UGGT2: variants seen among roughly 807,000 people sequenced by gnomAD.
UGGT2 encodes the protein UDP-glucose:glycoprotein glucosyltransferase 2.
In UGGT2, 180 loss-of-function variants were observed where a neutral mutation model predicts 192.1. That is an observed-to-expected ratio of 0.94 (90% CI 0.83 to 1.06). The LOEUF (loss-of-function observed/expected upper bound fraction) is 1.06. Among genes scored for constraint, UGGT2 ranks in the 50% least tolerant of loss-of-function variants. The pLI is 0.00. For synonymous variants in UGGT2, 580 were observed against 591.0 expected (o/e 0.98, Z 0.27); for missense variants, 1,849 against 1,795.7 (o/e 1.03, Z -0.54).
At chr13:96,039,838 T>C (rs945370879) in intron 1 of UGGT2, among the ~76,000 whole-genome samples, 1 of 152,210 alleles carries the variant, frequency 6.6e-6, no homozygotes, top group African/African-American at 2.4e-5. Flanking sequence ...TTCTTCTAGA[T>C]TCCAATATAA....
chr13:95,890,575 G>T (rs908602727), intron 25 of UGGT2, among the ~76,000 whole-genome samples: 1 of 152,188 alleles, frequency 6.6e-6, no homozygotes, highest in Non-Finnish European at 1.5e-5. Flanking sequence ...TCTCCAGAGA[G>T]AGTCACATTG....
At chr13:95,877,212 C>G in intron 29 of UGGT2, 67 bp downstream of exon 29, 1 of 1,263,396 alleles carries the variant, frequency 7.9e-7, no homozygotes, top group East Asian at 2.5e-5. Context: ...TGTTTTGATT[C>G]TCTTGGTTGT....
chr13:95,996,293 C>G (rs941844480), intron 6 of UGGT2, among the ~76,000 whole-genome samples, 158 bp from the exon 7 acceptor site: 1 of 151,888 alleles, frequency 6.6e-6, no homozygotes, highest in Non-Finnish European at 1.5e-5. Flanking sequence ...CTTGAGCTCA[C>G]GAGTTCAAGA....
At chr13:95,975,832 C>T (rs2050920270) in intron 10 of UGGT2, among the ~76,000 whole-genome samples, 1 of 152,012 alleles carries the variant, frequency 6.6e-6, no homozygotes, top group South Asian at 2.1e-4. Flanking sequence ...TTTTAATTTT[C>T]ACGGGTACAT....
At chr13:95,946,966 T>C (rs943170391) in intron 15 of UGGT2, 71 bp downstream of exon 15, 3 of 1,391,698 alleles carry the variant, frequency 2.2e-6, no homozygotes, top group Non-Finnish European at 2.9e-6. Flanking sequence ...TTATACATTC[T>C]AAAGAAATCA....
chr13:95,909,315 C>T (rs187201581), intron 20 of UGGT2, among the ~76,000 whole-genome samples: 13,670 of 151,698 alleles, frequency 0.09, 862 homozygotes, highest in Non-Finnish European at 0.12. Flanking sequence ...ATGTTTATTG[C>T]GGCATTATTC....
intron 12 of UGGT2, 129 bp from the exon 13 acceptor site, chr13:95,949,583 A>G (rs1353169754): frequency 1.1e-6 from 1 of 924,886 alleles, no homozygotes; most frequent in African/African-American, 1.7e-5. Context: ...TAAATAGAGG[A>G]GCTAGTTTAA....
chr13:95,834,668 G>A (rs953469458), intron 37 of UGGT2, among the ~76,000 whole-genome samples: 2 of 152,042 alleles, frequency 1.3e-5, no homozygotes, highest in African/African-American at 2.4e-5. Flanking sequence ...TGAGGGAGAC[G>A]GGCTGAACAC....
In UGGT2 at chr13:95,854,273, C is replaced by T. The variant is rs770310902; in HGVS notation, c.4169+42G>A. The T allele has an allele frequency of 5.1e-6, 8 of 1,565,534 alleles. No individual in the cohort carries two copies. The East Asian group carries it at 1.4e-4, about 26-fold the overall frequency. On this transcript the variant is annotated intron_variant, in intron 35 of 38. Coordinates refer to ENST00000376747, the MANE Select transcript of UGGT2 (RefSeq NM_020121.4). ...GAAAACTGAAAGTTGCAATTCAATA[C>T]ATTACTTATTTACTAAATGGTAAGG...
rs531209662 is a variant in UGGT2 at position 95,866,978 on chromosome 13, A to G, written c.3558+361T>C. Among the ~76,000 whole-genome samples, 16 of 152,140 alleles carry G rather than the reference A, an allele frequency of 1.1e-4. No homozygotes were observed. In the South Asian group the frequency reaches 3.3e-3, roughly 32 times the overall value. Reference sequence around the variant, plus strand: ...TCCAAAAAGAATCTGCTATCATTAAAAACTCCCTTTCTCTCCCAATTTAAA... The same window carrying G: ...TCCAAAAAGAATCTGCTATCATTAAGAACTCCCTTTCTCTCCCAATTTAAA... On this transcript the variant is annotated intron_variant, in intron 30 of 38. Transcript: ENST00000376747.
In UGGT2 at chr13:95,895,237, C is replaced by A; in HGVS notation, c.2702G>T (p.Ser901Ile). 1 of 1,576,854 alleles carries A rather than the reference C, an allele frequency of 6.3e-7. No individual in the cohort carries two copies. Among genetic ancestry groups the A allele is most frequent in the Non-Finnish European group, 8.6e-7 (1 of 1,163,218 alleles). The change falls in exon 23 of 39, where the codon AGT (serine) becomes ATT (isoleucine). Residue 901 changes from serine (S) to isoleucine (I), a missense_variant. Physicochemically the swap from Ser to Ile is moderately radical, Grantham distance 142. Transcript: ENST00000376747. ...DFYLLEKITF[S>I]NLGEKIKGIV... The stretch of plus-strand genomic sequence containing the variant: ...GCCTTTAATTTTCTCTCCTAAATTA[C>A]TAAATGTTATCTTTTCCAACAAGTA...
At chr13:96,016,107 G>A (rs2052330186) in intron 4 of UGGT2, among the ~76,000 whole-genome samples, 1 of 152,186 alleles carries the variant, frequency 6.6e-6, no homozygotes, top group Non-Finnish European at 1.5e-5. Flanking sequence ...TCAAGAAGTG[G>A]CCTGGCTGCT....
At chr13:95,905,156 G>C (rs575852377) in intron 20 of UGGT2, among the ~76,000 whole-genome samples, 3 of 151,938 alleles carry the variant, frequency 2.0e-5, no homozygotes, top group Non-Finnish European at 4.4e-5. Flanking sequence ...TGTTTTTTTC[G>C]TGTAAATTTG....
intron 12 of UGGT2, among the ~76,000 whole-genome samples, chr13:95,955,026 G>C (rs1432543191): frequency 6.6e-6 from 1 of 152,192 alleles, no homozygotes; most frequent in African/African-American, 2.4e-5. Flanking sequence ...CAAGAAAGTA[G>C]AGGGCATAAA....
At chr13:95,926,696 C>T (rs2049025446) in intron 19 of UGGT2, among the ~76,000 whole-genome samples, 1 of 152,084 alleles carries the variant, frequency 6.6e-6, no homozygotes, top group Non-Finnish European at 1.5e-5. Flanking sequence ...AATCAGAATG[C>T]AGAAGAATTA....
At chr13:95,929,454 C>T (rs1378461341) in intron 17 of UGGT2, among the ~76,000 whole-genome samples, 1 of 152,078 alleles carries the variant, frequency 6.6e-6, no homozygotes, top group Non-Finnish European at 1.5e-5. Flanking sequence ...TTTTCCTTCC[C>T]TCTCCCCTCT....
chr13:95,914,840 A>ACTC (rs2048631309), intron 20 of UGGT2, among the ~76,000 whole-genome samples: 1 of 151,692 alleles, frequency 6.6e-6, no homozygotes, highest in South Asian at 2.1e-4. Flanking sequence ...CCCCTGCAAA[A>ACTC]CTCTTAAGTA....
chr13:95,823,695 T>C (rs565154745), intron 38 of UGGT2, among the ~76,000 whole-genome samples: 1 of 152,220 alleles, frequency 6.6e-6, no homozygotes. Context: ...ATTTGGATTG[T>C]GATTTTTAAA....
intron 31 of UGGT2, chr13:95,863,386 C>T (rs1400518246): frequency 5.9e-6 from 2 of 339,186 alleles, no homozygotes; most frequent in Non-Finnish European, 1.1e-5. Context: ...AGGAGTATTT[C>T]CCAAGGTTCC....
Sources: gnomAD v4.1 joint callset for allele counts (sites outside exome capture counted in the v4.1 genomes callset) on GRCh38, gnomAD v4.1.1 for gene constraint, MANE v1.5 for transcripts, NCBI Gene and HGNC (gene_info 2026-07-23, HGNC 2026-07-21) for gene names.